Variants in EP400 observed in about 807,000 individuals in gnomAD.
EP400 encodes E1A binding protein p400, also known as E1A-binding protein p400.
A neutral mutation model predicts 354.1 loss-of-function variants in EP400; 105 were observed. The ratio of observed to expected loss-of-function variants is 0.30; its 90% CI spans 0.25 to 0.35. The LOEUF (loss-of-function observed/expected upper bound fraction) is 0.35. Among genes scored for constraint, EP400 ranks in the 10% least tolerant of loss-of-function variants. EP400 has a pLI of 1.00. For missense variants in EP400, 3,280 were observed against 4,121.0 expected, an observed-to-expected ratio of 0.80 and a Z score of 5.59; for synonymous variants, 1,646 against 1,716.9, an observed-to-expected ratio of 0.96 and a Z score of 1.02.
intron 32 of EP400, among the ~76,000 whole-genome samples, chr12:132,041,411 C>T (rs932059376): frequency 1.3e-4 from 20 of 152,348 alleles, no homozygotes; most frequent in African/African-American, 3.8e-4. Flanking sequence ...TGTCCCCCAG[C>T]GGTGCTGCCT....
intron 3 of EP400, among the ~76,000 whole-genome samples, chr12:131,980,938 A>G (rs1412457278): frequency 1.3e-5 from 2 of 152,236 alleles, no homozygotes; most frequent in African/African-American, 4.8e-5. Flanking sequence ...ATGGTGCTCA[A>G]TTGCCCACCA....
chr12:131,985,940 T>C (rs1892840656), intron 5 of EP400, among the ~76,000 whole-genome samples: 1 of 152,184 alleles, frequency 6.6e-6, no homozygotes. Flanking sequence ...TTAGCCTGTC[T>C]GCCATGAGAG....
intron 2 of EP400, among the ~76,000 whole-genome samples, chr12:131,973,803 G>A (rs1391676819): frequency 1.3e-5 from 2 of 152,048 alleles, no homozygotes. Flanking sequence ...TTGTGGTTGT[G>A]TTGAGTGCAG....
intron 19 of EP400, among the ~76,000 whole-genome samples, chr12:132,014,311 G>T (rs574344453): frequency 2.2e-4 from 34 of 152,360 alleles, no homozygotes; most frequent in African/African-American, 7.0e-4. Flanking sequence ...CCCACCGGAG[G>T]TGGCACGCTG....
At chr12:132,006,044 T>TA in intron 13 of EP400, 68 bp from the exon 14 acceptor site, 3 of 1,472,590 alleles carry the variant, frequency 2.0e-6, no homozygotes, top group Non-Finnish European at 2.7e-6. Flanking sequence ...TTTCCTGTTT[T>TA]AAAAAAAGGT....
intron 1 of EP400, among the ~76,000 whole-genome samples, chr12:131,951,714 G>C (rs938063178): frequency 6.6e-6 from 1 of 152,060 alleles, no homozygotes; most frequent in East Asian, 1.9e-4. Context: ...TGATTCTCCT[G>C]CCTCAGCATC....
chr12:132,046,246 T>C (rs61275331), intron 39 of EP400, among the ~76,000 whole-genome samples: 18,330 of 152,260 alleles, frequency 0.12, 1,477 homozygotes, highest in African/African-American at 0.23. Context: ...TACTTGGCCA[T>C]ATATATATAC....
chr12:132,054,904 A>G lies in EP400; in HGVS notation c.7729-70A>G. On this transcript the variant is annotated intron_variant, in intron 43 of 52. Coordinates refer to ENST00000389561, the MANE Select transcript of EP400 (RefSeq NM_015409.5). This position sits in a 1 kb window ranked among gnomAD's most constrained non-coding sequence, Gnocchi z 4.0. The stretch of plus-strand genomic sequence containing the variant: ...TTGGATTTGATTCTGAATGAAGTGG[A>G]AGCCTTTGGAGGATTTATGCAGGGG... 2.7e-6 allele frequency: 4 copies of G among 1,477,162 alleles called. No homozygotes were observed. Among genetic ancestry groups the G allele is most frequent in the Non-Finnish European group, 3.8e-6 (4 of 1,059,076 alleles). 91.5% of individuals were successfully genotyped at this position (1,477,162 alleles called of 1,614,324 possible). A position where few individuals can be genotyped will look rare whatever the true frequency, so the allele number is the denominator to read the frequency against.
At position 132,055,010 on chromosome 12, in the gene EP400, A is replaced by G. The variant is rs1273809423; in HGVS notation, c.7765A>G (p.Met2589Val). ...TIKTSVTGTS[M>V]PTGAVSGNVI... Reference sequence around the variant, plus strand: ...TAAAACATCAGTTACTGGGACGAGCATGCCCACTGGTAAGACAAATACAGA... The same window carrying G: ...TAAAACATCAGTTACTGGGACGAGCGTGCCCACTGGTAAGACAAATACAGA... The change falls in exon 44 of 53, where the codon ATG becomes GTG. Residue 2589 changes from methionine (M) to valine (V), a missense_variant. Coordinates refer to ENST00000389561, the MANE Select transcript of EP400 (RefSeq NM_015409.5). 6.2e-7 allele frequency: 1 copy of G among 1,613,990 alleles called. No homozygotes were observed. The highest frequency in any genetic ancestry group is 1.7e-5 in the Admixed American group (1 of 59,994).
rs941502418 is a variant in EP400, at chr12:132,077,424, C to G, written c.9123C>G (p.Leu3041=). Residue 3041 remains leucine (L), a synonymous_variant, in exon 53 of 53, where the codon CTC becomes CTG. Coordinates refer to ENST00000389561, the MANE Select transcript of EP400 (RefSeq NM_015409.5). ...SQQASPQTVA[L]TQATAAGQQV... ...AGGCTTCTCCACAGACTGTGGCGCT[C>G]ACGCAGGCGACGGCGGCCGGGCAGC... is the stretch of plus-strand genomic sequence containing the variant. 1.2e-6 allele frequency: 2 copies of G among 1,612,294 alleles called. No homozygotes were observed. Among genetic ancestry groups the G allele is most frequent in the Admixed American group, 1.7e-5 (1 of 60,000 alleles).
chr12:132,052,777 C>T lies in EP400; in HGVS notation c.7395-369C>T, dbSNP rs541620716. ...AGGCACAGTCCCGCCCTCCCTTTAC[C>T]TCCCTGGAGAGGAACTCGAGGGCAT... On this transcript the variant is annotated intron_variant, in intron 41 of 52. Transcript: ENST00000389561. The surrounding 1 kb of genome is among the most constrained non-coding windows in gnomAD (Gnocchi z 4.4). Among the ~76,000 whole-genome samples, 2 of 152,202 alleles carry T rather than the reference C, an allele frequency of 1.3e-5. No homozygotes were observed. The highest frequency in any genetic ancestry group is 2.9e-5 in the Non-Finnish European group (2 of 68,036).
Position 132,025,368 on chromosome 12 carries a change from C to A in EP400, c.4856-278C>A, listed in dbSNP as rs1227962196. On this transcript the variant is annotated intron_variant, in intron 24 of 52. Transcript: ENST00000389561. The surrounding 1 kb of genome is among the most constrained non-coding windows in gnomAD (Gnocchi z 4.1). The stretch of plus-strand genomic sequence containing the variant: ...CAGTACCTCGAACAGCATGGCAGGT[C>A]CTCAGCAGCTGTGTGTCACCCACCT... Among the ~76,000 whole-genome samples the A allele has an allele frequency of 2.6e-5, 4 of 152,152 alleles. No individual in the cohort carries two copies. Among genetic ancestry groups the A allele is most frequent in the African/African-American group, 9.7e-5 (4 of 41,424 alleles).
intron 45 of EP400, 71 bp from the exon 46 acceptor site, chr12:132,062,039 C>T (rs1895711906): frequency 2.1e-6 from 3 of 1,413,208 alleles, no homozygotes; most frequent in South Asian, 1.2e-5. Context: ...CTTGTCTTCC[C>T]TGCTCTGAGT....
rs1340783584 is a variant in EP400, at chr12:132,006,045, A to T, written c.2936-67A>T. 6.9e-6 allele frequency: 10 copies of T among 1,457,298 alleles called. No homozygotes were observed. In the African/African-American group the frequency reaches 8.6e-5, roughly 12 times the overall value. The allele number at this position is 1,457,298 out of a possible 1,614,324, so 90.3% of individuals were successfully genotyped here. ...GATTCTATAAACTTTTTCCTGTTTT[A>T]AAAAAAGGTTTAGATTTATAAAGCC... On this transcript the variant is annotated intron_variant, in intron 13 of 52. Transcript: ENST00000389561.
chr12:132,055,647 GT>G (rs1895474686), intron 45 of EP400, among the ~76,000 whole-genome samples: 1 of 135,998 alleles, frequency 7.4e-6, no homozygotes, highest in Admixed American at 7.3e-5. Context: ...GTAGGGGTGT[GT>G]GTGAGGTGTA....
chr12:132,008,931 T>TC (rs1352052360), intron 15 of EP400, among the ~76,000 whole-genome samples: 6 of 142,216 alleles, frequency 4.2e-5, no homozygotes, highest in South Asian at 2.3e-4. Context: ...TTTTTTTTTT[T>TC]TTTTTTTTTT....
In EP400 at chr12:132,022,756, T is replaced by C. The variant is rs78677319; in HGVS notation, c.4691-1021T>C. Reference sequence around the variant, plus strand: ...TATATCTTAAAGCTTTATTTATGTATGTGATTTCTTTATGTATCTAGAGGC... The same window carrying C: ...TATATCTTAAAGCTTTATTTATGTACGTGATTTCTTTATGTATCTAGAGGC... On this transcript the variant is annotated intron_variant, in intron 23 of 52. Coordinates refer to ENST00000389561, the MANE Select transcript of EP400 (RefSeq NM_015409.5). 2.1e-3 allele frequency among the ~76,000 whole-genome samples: 322 copies of C among 152,238 alleles called. 3 individuals are homozygous for C. Among genetic ancestry groups the C allele is most frequent in the African/African-American group, 7.4e-3 (306 of 41,534 alleles).
chr12:131,972,189 G>A (rs1892307846), intron 2 of EP400, among the ~76,000 whole-genome samples: 1 of 149,604 alleles, frequency 6.7e-6, no homozygotes, highest in Non-Finnish European at 1.5e-5. Context: ...GTCTCGCTCT[G>A]TCGCCCAGGC....
chr12:132,028,078 G>T lies in EP400; in HGVS notation c.5171G>T (p.Arg1724Leu). 1 of 1,614,178 alleles carries T rather than the reference G, an allele frequency of 6.2e-7. No homozygotes were observed. The highest frequency in any genetic ancestry group is 1.1e-5 in the South Asian group (1 of 91,084). The change falls in exon 27 of 53, where the codon CGC becomes CTC. Residue 1724 changes from arginine to leucine, a missense_variant. Arg to Leu is a moderately radical substitution (Grantham distance 102, BLOSUM62 -2). Coordinates refer to ENST00000389561, the MANE Select transcript of EP400 (RefSeq NM_015409.5). The part of the protein sequence containing the change: ...LDQIYLVNER[R>L]CSQAPVYGRD... ...CAGATTTATTTAGTCAACGAGCGGCGCTGTTCTCAAGCTCCAGTCTATGGC... is the reference window on the plus strand; with the variant it reads ...CAGATTTATTTAGTCAACGAGCGGCTCTGTTCTCAAGCTCCAGTCTATGGC...
Sources: allele counts gnomAD v4.1 joint callset (sites outside exome capture counted in the v4.1 genomes callset), GRCh38; gene constraint gnomAD v4.1.1; non-coding constraint Gnocchi (gnomAD v3.1); transcripts MANE v1.5; gene names NCBI Gene and HGNC (gene_info 2026-07-23, HGNC 2026-07-21).